GALNT2: variants seen among roughly 807,000 people sequenced by gnomAD.
The protein encoded by GALNT2 is polypeptide N-acetylgalactosaminyltransferase 2, also known as UDP-GalNAc:polypeptide N-acetylgalactosaminyltransferase 2.
A neutral mutation model predicts 81.4 loss-of-function variants in GALNT2; 31 were observed. That is an observed-to-expected ratio of 0.38 (90% confidence interval 0.29 to 0.51). GALNT2 has a LOEUF of 0.51. Among genes scored for constraint, GALNT2 ranks in the 20% least tolerant of loss-of-function variants. The pLI is 0.87. For synonymous variants in GALNT2, 303 were observed against 287.4 expected (o/e 1.05, Z -0.55); for missense variants, 629 against 765.7 (o/e 0.82, Z 2.11).
chr1:230,128,626 C>T (rs1482721447), intron 1 of GALNT2, among the ~76,000 whole-genome samples: 12 of 37,478 alleles, frequency 3.2e-4, no homozygotes, highest in Admixed American at 1.3e-3. Context: ...GTGGCGGGGG[C>T]GGGGGTGGTT....
chr1:230,276,061 C>T (rs1028873610), intron 15 of GALNT2, among the ~76,000 whole-genome samples: 1 of 143,500 alleles, frequency 7.0e-6, no homozygotes, highest in African/African-American at 2.7e-5. Flanking sequence ...CATATATATA[C>T]GTATATATAC....
At chr1:230,219,735 T>A (rs1286046626) in intron 3 of GALNT2, among the ~76,000 whole-genome samples, 1 of 152,194 alleles carries the variant, frequency 6.6e-6, no homozygotes, top group Non-Finnish European at 1.5e-5. Flanking sequence ...GCAAAGTGCT[T>A]GTGGCTGTCT....
intron 3 of GALNT2, among the ~76,000 whole-genome samples, chr1:230,206,690 T>G (rs970325143): frequency 6.6e-6 from 1 of 152,242 alleles, no homozygotes; most frequent in Non-Finnish European, 1.5e-5. Flanking sequence ...TAGAAATTCT[T>G]GCACAGTAGA....
At chr1:230,085,297 A>G (rs1659866304) in intron 1 of GALNT2, among the ~76,000 whole-genome samples, 1 of 152,070 alleles carries the variant, frequency 6.6e-6, no homozygotes, top group Admixed American at 6.6e-5. Context: ...CAACCTGGAG[A>G]TTCATTCCTT....
At chr1:230,269,998 G>A (rs1167041248) in intron 14 of GALNT2, among the ~76,000 whole-genome samples, 4 of 152,062 alleles carry the variant, frequency 2.6e-5, no homozygotes, top group Non-Finnish European at 5.9e-5. Context: ...TCTGGAGTTC[G>A]AGACCAGCCT....
chr1:230,246,186 C>A, intron 8 of GALNT2, 36 bp downstream of exon 8: 1 of 1,429,174 alleles, frequency 7.0e-7, no homozygotes, highest in Non-Finnish European at 9.9e-7. Flanking sequence ...CCTAGCTCGT[C>A]CCGTCTACAC....
rs543332094 is a variant in GALNT2 at position 230,194,970 on chromosome 1, G to C, written c.221-8167G>C. Among the ~76,000 whole-genome samples the C allele has an allele frequency of 5.9e-5, 9 of 152,354 alleles. No homozygotes were observed. The South Asian group carries it at 1.7e-3, about 28-fold the overall frequency. The stretch of plus-strand genomic sequence containing the variant: ...CATCCCAGCTCTGCGGGGAGAAGAA[G>C]TGGAGCCTGCCCGTTCCCATTGGGC... On this transcript the variant is annotated intron_variant, in intron 2 of 15. Transcript: ENST00000366672.
At chr1:230,062,463 TC>T (rs1483840425), upstream of GALNT2, among the ~76,000 whole-genome samples, 32 of 152,218 alleles carry the variant, frequency 2.1e-4, 1 homozygote, top group Admixed American at 2.1e-3. Context: ...CAGAATGTTA[TC>T]ATCTCAAACC....
intron 1 of GALNT2, among the ~76,000 whole-genome samples, chr1:230,077,422 A>T (rs1410662879): frequency 6.6e-6 from 1 of 152,192 alleles, no homozygotes; most frequent in Non-Finnish European, 1.5e-5. Context: ...ATTATTTGTC[A>T]AACATGCCAT....
intron 1 of GALNT2, among the ~76,000 whole-genome samples, chr1:230,177,381 T>C (rs1473740382): frequency 1.3e-5 from 2 of 152,236 alleles, no homozygotes; most frequent in Non-Finnish European, 2.9e-5. Context: ...CAGCTGACAA[T>C]GCTTGGCTCA....
rs775935006 is a variant in GALNT2, at chr1:230,178,271, T to C, written c.180T>C (p.Asn60=). 3.7e-6 allele frequency: 6 copies of C among 1,613,942 alleles called. No homozygotes were observed. Among genetic ancestry groups the C allele is most frequent in the Non-Finnish European group, 5.1e-6 (6 of 1,179,974 alleles). ...PIKKKDLHHS[N]GEEKAQSMET... ...AAAAGAAAGACCTTCATCACAGCAA[T>C]GGAGAAGAGAAAGCACAAAGCATGG... is the stretch of plus-strand genomic sequence containing the variant. Residue 60 remains asparagine, a synonymous_variant, in exon 2 of 16, where the codon AAT becomes AAC. Transcript: ENST00000366672.
chr1:230,179,825 AC>A (rs2102687137), intron 2 of GALNT2, among the ~76,000 whole-genome samples: 1 of 152,268 alleles, frequency 6.6e-6, no homozygotes, highest in South Asian at 2.1e-4. Flanking sequence ...CTTCATTGTC[AC>A]GCCTTTGGTG....
rs754552466 is a variant in GALNT2 at position 230,184,649 on chromosome 1, CT to C, written c.220+6341del. 4.0e-5 allele frequency among the ~76,000 whole-genome samples: 6 copies of C among 151,846 alleles called. No individual in the cohort carries two copies. The East Asian group carries it at 7.7e-4, about 20-fold the overall frequency. ...TCCTCTATTGATAGGTAAGGTGTTT[CT>C]TTCAATTTTTTTTCTTTATCTTTGA... is the stretch of plus-strand genomic sequence containing the variant. On this transcript the variant is annotated intron_variant, in intron 2 of 15. Transcript: ENST00000366672.
intron 3 of GALNT2, among the ~76,000 whole-genome samples, chr1:230,221,124 T>A (rs536291350): frequency 1.4e-4 from 21 of 152,382 alleles, no homozygotes; most frequent in African/African-American, 4.8e-4. Context: ...TCATTTTCTA[T>A]AAATACAATG....
chr1:230,087,815 TTAATA>T (rs1183100321), intron 1 of GALNT2, among the ~76,000 whole-genome samples: 11 of 152,240 alleles, frequency 7.2e-5, no homozygotes, highest in African/African-American at 2.7e-4. Context: ...GGTGTTTGCT[TTAATA>T]TTCAGAGTTA....
intron 1 of GALNT2, among the ~76,000 whole-genome samples, chr1:230,060,826 T>A (rs1659029560): frequency 6.6e-6 from 1 of 152,228 alleles, no homozygotes; most frequent in Non-Finnish European, 1.5e-5. Context: ...CAGTGTTTAT[T>A]TTGATGCATA....
chr1:230,255,450 G>C, intron 11 of GALNT2, 106 bp downstream of exon 11: 1 of 1,437,540 alleles, frequency 7.0e-7, no homozygotes, highest in Non-Finnish European at 9.6e-7. Flanking sequence ...TGGGTGTGGT[G>C]CATTTATACA....
chr1:230,103,374 A>AT (rs1441379845), intron 1 of GALNT2, among the ~76,000 whole-genome samples: 2 of 152,190 alleles, frequency 1.3e-5, no homozygotes, highest in Non-Finnish European at 2.9e-5. Flanking sequence ...TGCAAAGATG[A>AT]TTATTTTTTA....
At chr1:230,264,053 G>A (rs1171029024) in intron 13 of GALNT2, 4 of 152,232 alleles carry the variant, frequency 2.6e-5, no homozygotes, top group Non-Finnish European at 4.4e-5. Flanking sequence ...GATCCCTGCC[G>A]TGCAGGACAG....
Sources: allele counts gnomAD v4.1 joint callset (sites outside exome capture counted in the v4.1 genomes callset), GRCh38; gene constraint gnomAD v4.1.1; transcripts MANE v1.5; gene names NCBI Gene and HGNC (gene_info 2026-07-23, HGNC 2026-07-21).